The following CTPS1 variants were observed in gnomAD, a reference collection of about 807,000 sequenced individuals.
CTPS1 encodes the protein CTP synthase 1, also known as CTP synthetase 1.
Under a neutral mutation model 80.5 loss-of-function variants are expected in CTPS1, and 25 were observed. The observed-to-expected ratio is 0.31, with a 90% CI of 0.23 to 0.43. The LOEUF is 0.43. CTPS1 is among the 20% of genes least tolerant of loss of function. The probability of loss-of-function intolerance (pLI) is 1.00; values close to 1 mark genes in which losing one functional copy is unlikely to be tolerated. For missense variants in CTPS1, 442 were observed against 725.7 expected, an observed-to-expected ratio of 0.61 and a Z score of 4.49; for synonymous variants, 267 against 252.5, an observed-to-expected ratio of 1.06 and a Z score of -0.54.
intron 17 of CTPS1, among the ~76,000 whole-genome samples, 196 bp from the exon 18 acceptor site, chr1:41,009,965 A>C (rs191559006): frequency 3.3e-5 from 5 of 152,220 alleles, no homozygotes; most frequent in Non-Finnish European, 7.3e-5. Flanking sequence ...TGAAGTATAA[A>C]TGGAATGTAT....
chr1:40,999,675 T>A (rs1558156371), intron 9 of CTPS1, among the ~76,000 whole-genome samples: 1 of 152,158 alleles, frequency 6.6e-6, no homozygotes, highest in Non-Finnish European at 1.5e-5. Context: ...ATCCAATAAG[T>A]CCATTCCCAG....
intron 8 of CTPS1, 104 bp downstream of exon 8, chr1:40,996,172 C>A: frequency 8.0e-7 from 1 of 1,243,420 alleles, no homozygotes; most frequent in Non-Finnish European, 1.2e-6. Context: ...TGCACTTCTG[C>A]CATCCACTCA....
At chr1:40,998,080 G>A (rs1642800512) in intron 9 of CTPS1, among the ~76,000 whole-genome samples, 2 of 152,158 alleles carry the variant, frequency 1.3e-5, no homozygotes, top group Non-Finnish European at 2.9e-5. Context: ...GTCTGTGGGT[G>A]GCAGTAGAGT....
At chr1:40,988,831 A>G in intron 5 of CTPS1, 121 bp downstream of exon 5, 1 of 677,998 alleles carries the variant, frequency 1.5e-6, no homozygotes, top group Non-Finnish European at 2.6e-6. Context: ...AGCAGAGAAT[A>G]AAGAACTTTG....
At chr1:41,009,961 A>T (rs1643127827) in intron 17 of CTPS1, among the ~76,000 whole-genome samples, 200 bp from the exon 18 acceptor site, 1 of 152,368 alleles carries the variant, frequency 6.6e-6, no homozygotes, top group South Asian at 2.1e-4. Flanking sequence ...TGACTGAAGT[A>T]TAAATGGAAT....
At position 40,982,024 on chromosome 1, in the gene CTPS1, G is replaced by A. The variant is rs1228116836; in HGVS notation, c.-13-1254G>A. On this transcript the variant is annotated intron_variant, in intron 1 of 18. Transcript: ENST00000650070. ...GCATTTTCTGCTACTTTCTAATTGT[G>A]TTTTTCATTTTGGTCACATTTGGGT... The A allele has an allele frequency of 2.3e-6, 3 of 1,288,252 alleles. No homozygotes were observed. In the South Asian group the frequency reaches 3.7e-5, roughly 16 times the overall value. The allele number at this position is 1,288,252 out of a possible 1,614,324, so 79.8% of individuals were successfully genotyped here.
chr1:40,981,271 C>G (rs1651882381), intron 1 of CTPS1: 1 of 152,192 alleles, frequency 6.6e-6, no homozygotes, highest in African/African-American at 2.4e-5. Flanking sequence ...GAGCCTCCCG[C>G]CTGATCTTTA....
chr1:40,983,996 G>A (rs942733385), intron 2 of CTPS1, among the ~76,000 whole-genome samples: 1 of 152,152 alleles, frequency 6.6e-6, no homozygotes, highest in African/African-American at 2.4e-5. Flanking sequence ...CTTAAAACTG[G>A]GAGAGATGTT....
intron 7 of CTPS1, among the ~76,000 whole-genome samples, chr1:40,995,391 T>C (rs981240530): frequency 6.7e-6 from 1 of 149,770 alleles, no homozygotes; most frequent in African/African-American, 2.5e-5. Flanking sequence ...GCTAATTTTT[T>C]GGGTGTTTTT....
rs1010886535 is a variant in CTPS1, at chr1:40,988,159, C to T, written c.439-435C>T. 2.0e-5 allele frequency among the ~76,000 whole-genome samples: 3 copies of T among 152,168 alleles called. No individual in the cohort carries two copies. The East Asian group carries it at 5.8e-4, about 29-fold the overall frequency. ...TAACTCCTGAACTCAAGCCATCTGC[C>T]TGCCTTGGCCTCCCAAAGTGTTAGG... On this transcript the variant is annotated intron_variant, in intron 4 of 18. Transcript: ENST00000650070.
Position 41,007,360 on chromosome 1 carries a change from C to T in CTPS1, c.1297-89C>T, listed in dbSNP as rs192044165. 36 of 1,079,810 alleles carry T rather than the reference C, an allele frequency of 3.3e-5. No individual in the cohort carries two copies. In the East Asian group the frequency reaches 8.4e-4, roughly 25 times the overall value. 66.9% of individuals were successfully genotyped at this position (1,079,810 alleles called of 1,614,324 possible). ...AGCCTGGAGAATTAGAGCTTACTTA[C>T]AAGCCTTTGCCACCCACTCAGCGAG... On this transcript the variant is annotated intron_variant, in intron 13 of 18. Coordinates refer to ENST00000650070, the MANE Select transcript of CTPS1 (RefSeq NM_001905.4). This position sits in a 1 kb window ranked among gnomAD's most constrained non-coding sequence, Gnocchi z 4.4.
chr1:41,007,548 A>G lies in CTPS1; in HGVS notation c.1393+3A>G. 1 of 1,612,752 alleles carries G rather than the reference A, an allele frequency of 6.2e-7. No individual in the cohort carries two copies. The highest frequency in any genetic ancestry group is 8.5e-7 in the Non-Finnish European group (1 of 1,178,932). ...CCAGACCAAGAACTCAGTCATGAGT[A>G]AGAGCTGCCTCACGCTGGCCCAGCC... On this transcript the variant is annotated splice_donor_region_variant and intron_variant, in intron 14 of 18. Coordinates refer to ENST00000650070, the MANE Select transcript of CTPS1 (RefSeq NM_001905.4). This position sits in a 1 kb window ranked among gnomAD's most constrained non-coding sequence, Gnocchi z 4.4.
chr1:40,983,219 C>T (rs147898373), intron 1 of CTPS1, 59 bp from the exon 2 acceptor site: 153 of 1,446,698 alleles, frequency 1.1e-4, no homozygotes, highest in Non-Finnish European at 4.6e-5. Context: ...TGTTTGAACC[C>T]AGATGAGTTT....
chr1:40,991,051 A>G (rs1001614378), intron 5 of CTPS1, 114 bp from the exon 6 acceptor site: 7 of 741,212 alleles, frequency 9.4e-6, no homozygotes, highest in Non-Finnish European at 1.6e-5. Context: ...GCTAAATTAC[A>G]CAAGTGACCA....
rs145092287 is a variant in CTPS1 at position 41,010,160 on chromosome 1, G to C, written c.1692-1G>C. ...ATGCGTAAACCATCTGAATTCTACA[G>C]GGACACCTATAGTGACAGGAGTGGA... On this transcript the variant is annotated splice_acceptor_variant, in intron 17 of 18. Coordinates refer to ENST00000650070, the MANE Select transcript of CTPS1 (RefSeq NM_001905.4). LOFTEE classifies it high-confidence loss of function. The C allele has an allele frequency of 5.6e-4, 908 of 1,611,348 alleles. 1 individual carries two copies. The highest frequency in any genetic ancestry group is 7.6e-4 in the Non-Finnish European group (892 of 1,177,824).
rs753066527 is a variant in CTPS1, at chr1:41,003,145, T to C, written c.1221T>C (p.Val407=). The C allele has an allele frequency of 6.2e-7, 1 of 1,614,226 alleles. No homozygotes were observed. Among genetic ancestry groups the C allele is most frequent in the Non-Finnish European group, 8.5e-7 (1 of 1,180,038 alleles). ...GCTTAGGGATGCAGTTGGCAGTGGT[T>C]GAATTCTCAAGAAACGTGCTGGGAT... The part of the protein sequence containing the change: ...GVCLGMQLAV[V]EFSRNVLGWQ... Residue 407 remains valine (V), a synonymous_variant, in exon 12 of 19, where the codon GTT becomes GTC. Transcript: ENST00000650070.
intron 1 of CTPS1, among the ~76,000 whole-genome samples, chr1:40,982,824 A>G (rs946985071): frequency 1.3e-5 from 2 of 152,230 alleles, no homozygotes; most frequent in African/African-American, 4.8e-5. Context: ...AGTTTAGCCA[A>G]AGACATTATT....
intron 9 of CTPS1, among the ~76,000 whole-genome samples, chr1:40,999,665 A>G (rs964659126): frequency 1.6e-4 from 24 of 152,246 alleles, no homozygotes; most frequent in Admixed American, 4.6e-4. Context: ...GAGACGTGTG[A>G]TCCAATAAGT....
At chr1:41,002,964 G>A in intron 11 of CTPS1, 150 bp from the exon 12 acceptor site, 2 of 695,232 alleles carry the variant, frequency 2.9e-6, no homozygotes, top group Non-Finnish European at 4.9e-6. Context: ...AAGTGTAACA[G>A]CAGAGAGTAC....
Sources: allele counts gnomAD v4.1 joint callset (sites outside exome capture counted in the v4.1 genomes callset), GRCh38; gene constraint gnomAD v4.1.1; non-coding constraint Gnocchi (gnomAD v3.1); transcripts MANE v1.5; gene names NCBI Gene and HGNC (gene_info 2026-07-23, HGNC 2026-07-21).